The following VWA8 variants were observed in gnomAD, a reference collection of about 807,000 sequenced individuals.
VWA8 encodes von Willebrand factor A domain containing 8, also known as von Willebrand factor A domain-containing protein 8.
VWA8 carries 221 observed loss-of-function variants against 241.5 expected under a neutral mutation model. The observed-to-expected ratio is 0.91, with a 90% CI of 0.82 to 1.02. The LOEUF (loss-of-function observed/expected upper bound fraction) is 1.02, where lower values mean the gene tolerates loss of function less well. VWA8 is among the 50% of genes least tolerant of loss of function. VWA8 has a pLI of 0.00. For missense variants in VWA8, 2,322 were observed against 2,328.7 expected (o/e 1.00, Z 0.06); for synonymous variants, 852 against 827.1 (o/e 1.03, Z -0.52).
chr13:41,688,803 C>T (rs987168337), intron 34 of VWA8, among the ~76,000 whole-genome samples: 2 of 152,038 alleles, frequency 1.3e-5, no homozygotes, highest in African/African-American at 4.8e-5. Flanking sequence ...AAGGGAACAA[C>T]AGATACTGAC....
intron 21 of VWA8, among the ~76,000 whole-genome samples, chr13:41,738,351 C>T (rs1259236552): frequency 6.6e-6 from 1 of 152,068 alleles, no homozygotes; most frequent in Non-Finnish European, 1.5e-5. Flanking sequence ...TGTGATGAAA[C>T]ACTTTGCTCT....
chr13:41,937,901 C>T (rs1291470807), intron 2 of VWA8, among the ~76,000 whole-genome samples: 1 of 152,148 alleles, frequency 6.6e-6, no homozygotes, highest in African/African-American at 2.4e-5. Context: ...TAGCTCACAC[C>T]TGTAATCCCA....
chr13:41,832,575 T>G (rs1264506271), intron 13 of VWA8, among the ~76,000 whole-genome samples: 5 of 151,968 alleles, frequency 3.3e-5, no homozygotes, highest in Admixed American at 2.6e-4. Context: ...AAAAAAAAAC[T>G]CTAAGTGGTT....
chr13:41,577,360 A>T (rs1349734523), intron 42 of VWA8, among the ~76,000 whole-genome samples: 1 of 152,210 alleles, frequency 6.6e-6, no homozygotes, highest in Admixed American at 6.5e-5. Flanking sequence ...ATTCCATATA[A>T]GAAAAAAAAA....
chr13:41,583,655 AAAAAAAACAAAC>A (rs2044398738), intron 42 of VWA8, among the ~76,000 whole-genome samples: 1 of 151,406 alleles, frequency 6.6e-6, no homozygotes, highest in South Asian at 2.1e-4. Flanking sequence ...AAAAAAAAAA[AAAAAAAACAAAC>A]AAAAAAAGAA....
At chr13:41,882,269 C>G (rs1874266582) in intron 9 of VWA8, among the ~76,000 whole-genome samples, 1 of 151,436 alleles carries the variant, frequency 6.6e-6, no homozygotes, top group Non-Finnish European at 1.5e-5. Flanking sequence ...AGGCGCTCGT[C>G]ACTTCCTAGA....
chr13:41,732,238 T>C, intron 21 of VWA8, 83 bp from the exon 22 acceptor site: 1 of 1,325,436 alleles, frequency 7.5e-7, no homozygotes, highest in East Asian at 2.4e-5. Flanking sequence ...ACAGGTGCAT[T>C]TTTTAAAAGA....
chr13:41,882,025 G>A (rs1185899808), intron 9 of VWA8, among the ~76,000 whole-genome samples: 7 of 149,636 alleles, frequency 4.7e-5, no homozygotes, highest in East Asian at 2.0e-4. Context: ...GCTTCCGGGC[G>A]GAGGGGCTCC....
intron 26 of VWA8, among the ~76,000 whole-genome samples, chr13:41,710,007 AATG>A: frequency 6.6e-6 from 1 of 152,050 alleles, no homozygotes; most frequent in East Asian, 1.9e-4. Context: ...AAAGGCAGAT[AATG>A]AGTCTTCGTC....
At chr13:41,774,254 C>A (rs560509635) in intron 20 of VWA8, among the ~76,000 whole-genome samples, 2 of 152,332 alleles carry the variant, frequency 1.3e-5, no homozygotes, top group South Asian at 4.1e-4. Flanking sequence ...ATTCTCCTGT[C>A]TCAGCCTCCG....
At position 41,570,637 on chromosome 13, in the gene VWA8, T is replaced by C; in HGVS notation, c.5440A>G (p.Lys1814Glu). 2 of 1,614,264 alleles carry C rather than the reference T, an allele frequency of 1.2e-6. No homozygotes were observed. The highest frequency in any genetic ancestry group is 1.7e-6 in the Non-Finnish European group (2 of 1,180,050). ...TCAGCTTCTTCTTTGACAATTTCCT[T>C]GATGGCATGTTCTGTCCCTTCTAAC... ...HTLEGTEHAIKEIVKEEADEY... is the reference protein window; with the variant it reads ...HTLEGTEHAIEEIVKEEADEY... Residue 1814 changes from lysine (K) to glutamate (E), a missense_variant, in exon 44 of 45, where the codon AAG (lysine) becomes GAG (glutamate). Coordinates refer to ENST00000379310, the MANE Select transcript of VWA8 (RefSeq NM_015058.2).
chr13:41,587,706 C>T lies in VWA8; in HGVS notation c.5113-36G>A, dbSNP rs757082268. 28 of 1,609,974 alleles carry T rather than the reference C, an allele frequency of 1.7e-5. 1 individual carries two copies. The Admixed American group carries it at 2.3e-4, about 13-fold the overall frequency. ...GAATAACAGAAAAGCCGTTTGTGAA[C>T]TGGCAAACTTCCCCTGGTGGCTGTC... On this transcript the variant is annotated intron_variant, in intron 41 of 44. Coordinates refer to ENST00000379310, the MANE Select transcript of VWA8 (RefSeq NM_015058.2).
chr13:41,605,711 G>A (rs2139656873), intron 39 of VWA8, among the ~76,000 whole-genome samples: 1 of 151,298 alleles, frequency 6.6e-6, no homozygotes, highest in East Asian at 1.9e-4. Context: ...TTCCTAAGAG[G>A]GTTCCCATGG....
chr13:41,653,307 T>C (rs1160799659), intron 37 of VWA8, among the ~76,000 whole-genome samples: 1 of 152,088 alleles, frequency 6.6e-6, no homozygotes, highest in Admixed American at 6.5e-5. Flanking sequence ...CCATTCACAA[T>C]AGCCACAAAC....
At chr13:41,922,454 AC>A (rs2138128297) in intron 2 of VWA8, among the ~76,000 whole-genome samples, 1 of 152,352 alleles carries the variant, frequency 6.6e-6, no homozygotes, top group African/African-American at 2.4e-5. Flanking sequence ...TAAACTAAAT[AC>A]CTTCTGCACA....
chr13:41,812,551 GAC>G (rs1439583411), intron 16 of VWA8, among the ~76,000 whole-genome samples: 1 of 152,074 alleles, frequency 6.6e-6, no homozygotes, highest in Non-Finnish European at 1.5e-5. Flanking sequence ...GAATGTCAAA[GAC>G]ACACTGCACA....
chr13:41,673,340 A>T (rs987562373), intron 36 of VWA8, among the ~76,000 whole-genome samples: 3 of 152,242 alleles, frequency 2.0e-5, no homozygotes, highest in African/African-American at 7.2e-5. Flanking sequence ...AAAATTCCTG[A>T]TATCTAGCAG....
chr13:41,632,355 C>T (rs542751421), intron 37 of VWA8, among the ~76,000 whole-genome samples: 3 of 152,070 alleles, frequency 2.0e-5, no homozygotes, highest in East Asian at 3.9e-4. Flanking sequence ...TTAAGGGTAC[C>T]GGGAAAAGGG....
chr13:41,688,149 CA>C (rs2045149592), intron 34 of VWA8, among the ~76,000 whole-genome samples: 1 of 151,994 alleles, frequency 6.6e-6, no homozygotes, highest in African/African-American at 2.4e-5. Context: ...TACATGATAG[CA>C]GATGCTTTTA....
Sources: allele counts gnomAD v4.1 joint callset (sites outside exome capture counted in the v4.1 genomes callset), GRCh38; gene constraint gnomAD v4.1.1; transcripts MANE v1.5; gene names NCBI Gene and HGNC (gene_info 2026-07-23, HGNC 2026-07-21).